LMBRD1: variants seen among roughly 807,000 people sequenced by gnomAD.
The protein encoded by LMBRD1 is LMBR1 domain containing 1.
In LMBRD1, 64 loss-of-function variants were observed where a neutral mutation model predicts 74.8. The ratio of observed to expected loss-of-function variants is 0.86; its 90% CI spans 0.70 to 1.05. The LOEUF is 1.05. LMBRD1 is among the 50% of genes least tolerant of loss of function. The pLI is 0.00. For missense variants in LMBRD1, 652 were observed against 645.9 expected, an observed-to-expected ratio of 1.01 and a Z score of -0.10; for synonymous variants, 204 against 216.3, an observed-to-expected ratio of 0.94 and a Z score of 0.50.
chr6:69,786,081 A>G (rs1002289974), intron 2 of LMBRD1, among the ~76,000 whole-genome samples: 1 of 152,216 alleles, frequency 6.6e-6, no homozygotes, highest in Admixed American at 6.5e-5. Context: ...CTATAAAGTT[A>G]CCTTATCTTA....
At chr6:69,772,473 C>T (rs1447448450) in intron 3 of LMBRD1, among the ~76,000 whole-genome samples, 2 of 152,068 alleles carry the variant, frequency 1.3e-5, no homozygotes, top group Non-Finnish European at 2.9e-5. Flanking sequence ...ACAAAAAGTA[C>T]AAGTCACACT....
At chr6:69,767,755 G>A (rs1242886445) in intron 3 of LMBRD1, among the ~76,000 whole-genome samples, 2 of 151,800 alleles carry the variant, frequency 1.3e-5, no homozygotes, top group African/African-American at 4.8e-5. Flanking sequence ...TTTTCTAACT[G>A]TTCTATCAGA....
intron 9 of LMBRD1, chr6:69,706,091 G>A (rs1235128382): frequency 4.5e-6 from 3 of 664,602 alleles, no homozygotes; most frequent in South Asian, 1.4e-5. Context: ...TTGTCAGCCT[G>A]TAGTTCACAA....
chr6:69,749,190 T>C lies in LMBRD1; in HGVS notation c.473+151A>G, dbSNP rs372567746. The C allele has an allele frequency of 5.0e-4, 325 of 651,308 alleles. 5 individuals are homozygous for C. The South Asian group carries it at 6.0e-3, about 12-fold the overall frequency. The allele number at this position is 651,308 out of a possible 1,614,324, so 40.3% of individuals were successfully genotyped here. The stretch of plus-strand genomic sequence containing the variant: ...CAACATAGACAAAACTGTTAAATTG[T>C]GGCTATTGTTCCTTGGAGATTTAGA... On this transcript the variant is annotated intron_variant, in intron 5 of 15. Transcript: ENST00000649934.
chr6:69,755,548 T>C (rs1293601098), intron 3 of LMBRD1, among the ~76,000 whole-genome samples: 2 of 144,786 alleles, frequency 1.4e-5, no homozygotes, highest in African/African-American at 2.6e-5. Context: ...CGTATACCTA[T>C]GTAACAAACC....
intron 9 of LMBRD1, 124 bp from the exon 10 acceptor site, chr6:69,702,077 C>T: frequency 3.0e-6 from 2 of 664,866 alleles, no homozygotes; most frequent in Admixed American, 2.4e-5. Flanking sequence ...ATCTAAGATA[C>T]ATTTTAACTT....
chr6:69,722,750 C>A (rs751346091), intron 7 of LMBRD1, among the ~76,000 whole-genome samples: 1 of 151,934 alleles, frequency 6.6e-6, no homozygotes, highest in Non-Finnish European at 1.5e-5. Flanking sequence ...ATCACCTTCA[C>A]TAAAAGGAAG....
intron 7 of LMBRD1, among the ~76,000 whole-genome samples, chr6:69,734,024 A>G (rs1278718021): frequency 3.9e-5 from 6 of 152,234 alleles, no homozygotes; most frequent in African/African-American, 1.4e-4. Context: ...ATAAAGATGA[A>G]GAAATTTAGA....
intron 14 of LMBRD1, among the ~76,000 whole-genome samples, chr6:69,679,067 C>CA (rs1264566079): frequency 7.8e-6 from 1 of 128,310 alleles, no homozygotes; most frequent in Non-Finnish European, 1.8e-5. Flanking sequence ...CAAAAACAAA[C>CA]AAACAAAAAA....
intron 14 of LMBRD1, among the ~76,000 whole-genome samples, chr6:69,688,452 TA>T (rs1765811991): frequency 6.6e-6 from 1 of 151,898 alleles, no homozygotes; most frequent in Non-Finnish European, 1.5e-5. Flanking sequence ...TGTAAGTGTT[TA>T]AACAGTATTG....
At chr6:69,781,275 G>C (rs1765830872) in intron 2 of LMBRD1, among the ~76,000 whole-genome samples, 2 of 152,096 alleles carry the variant, frequency 1.3e-5, no homozygotes, top group Non-Finnish European at 1.5e-5. Context: ...ACCCTATTCT[G>C]TCAGAACTAA....
intron 9 of LMBRD1, among the ~76,000 whole-genome samples, chr6:69,709,251 A>G (rs536876780): frequency 6.6e-6 from 1 of 152,244 alleles, no homozygotes; most frequent in Non-Finnish European, 1.5e-5. Context: ...AAAAAAAGAA[A>G]AGAAACATTA....
intron 7 of LMBRD1, among the ~76,000 whole-genome samples, chr6:69,732,602 C>CT (rs1766883376): frequency 6.6e-6 from 1 of 152,092 alleles, no homozygotes; most frequent in Admixed American, 6.5e-5. Flanking sequence ...ATATTTGAAT[C>CT]TTTATCACTT....
rs551405394 is a variant in LMBRD1 at position 69,712,262 on chromosome 6, T to C, written c.915+1383A>G. ...TTTAGTCTCAGCCATATTAAAGTGA[T>C]CTTAATTCATTCTAGGTAATTAGGT... is the stretch of plus-strand genomic sequence containing the variant. On this transcript the variant is annotated intron_variant, in intron 9 of 15. Coordinates refer to ENST00000649934, the MANE Select transcript of LMBRD1 (RefSeq NM_018368.4). Among the ~76,000 whole-genome samples the C allele has an allele frequency of 3.3e-5, 5 of 152,296 alleles. No individual in the cohort carries two copies. In the East Asian group the frequency reaches 9.6e-4, roughly 29 times the overall value.
intron 7 of LMBRD1, among the ~76,000 whole-genome samples, chr6:69,735,148 T>G (rs879510319): frequency 6.6e-6 from 1 of 152,210 alleles, no homozygotes; most frequent in Non-Finnish European, 1.5e-5. Flanking sequence ...TTATTCTTAG[T>G]TCAGGGTCAC....
intron 8 of LMBRD1, among the ~76,000 whole-genome samples, chr6:69,716,322 G>A (rs1766489786): frequency 6.6e-6 from 1 of 152,162 alleles, no homozygotes; most frequent in Non-Finnish European, 1.5e-5. Context: ...TGACTGGTAT[G>A]AGATGGTATC....
chr6:69,734,542 C>T (rs529293976), intron 7 of LMBRD1, among the ~76,000 whole-genome samples: 1 of 152,078 alleles, frequency 6.6e-6, no homozygotes, highest in Non-Finnish European at 1.5e-5. Flanking sequence ...ATTACAGGAG[C>T]CCACCACTAA....
rs543563412 is a variant in LMBRD1, at chr6:69,765,721, T to C, written c.308-13365A>G. On this transcript the variant is annotated intron_variant, in intron 3 of 15. Coordinates refer to ENST00000649934, the MANE Select transcript of LMBRD1 (RefSeq NM_018368.4). Reference sequence around the variant, plus strand: ...TCAGTTTGAGAGAAAACTGACATAATTGCATCTTTACAGCATTGTGTTTTC... The same window carrying C: ...TCAGTTTGAGAGAAAACTGACATAACTGCATCTTTACAGCATTGTGTTTTC... Among the ~76,000 whole-genome samples the C allele has an allele frequency of 3.2e-4, 49 of 152,326 alleles. No individual in the cohort carries two copies. The South Asian group carries it at 8.5e-3, about 26-fold the overall frequency.
intron 3 of LMBRD1, among the ~76,000 whole-genome samples, chr6:69,753,931 T>C (rs1472314378): frequency 1.4e-5 from 2 of 146,450 alleles, no homozygotes; most frequent in African/African-American, 2.6e-5. Flanking sequence ...AGAGAGAGAC[T>C]CCGTCTCAAA....
Sources: allele counts gnomAD v4.1 joint callset (sites outside exome capture counted in the v4.1 genomes callset), GRCh38; gene constraint gnomAD v4.1.1; transcripts MANE v1.5; gene names NCBI Gene and HGNC (gene_info 2026-07-23, HGNC 2026-07-21).